MUC17: variants seen among roughly 807,000 people sequenced by gnomAD.
The protein encoded by MUC17 is mucin 17, cell surface associated, also known as mucin-17.
A neutral mutation model predicts 170.3 loss-of-function variants in MUC17; 190 were observed. The observed-to-expected ratio is 1.12, with a 90% CI of 0.99 to 1.26. The LOEUF (loss-of-function observed/expected upper bound fraction) is 1.26. Ranked by LOEUF, MUC17 falls within the 50% of genes most tolerant of loss-of-function variation. The probability of loss-of-function intolerance (pLI) is 0.00; values close to 1 mark genes in which losing one functional copy is unlikely to be tolerated. For synonymous variants in MUC17, 2,325 were observed against 2,002.5 expected, an observed-to-expected ratio of 1.16 and a Z score of -4.30; for missense variants, 6,415 against 5,530.0, an observed-to-expected ratio of 1.16 and a Z score of -5.08.
chr7:101,053,648 C>G, intron 11 of MUC17: 1 of 442,846 alleles, frequency 2.3e-6, no homozygotes, highest in South Asian at 3.4e-5. Context: ...GAGGCTGAGG[C>G]AGGTGGACCA....
In MUC17 at chr7:101,043,927, G is replaced by T. The variant is rs191842097; in HGVS notation, c.12403+108G>T. 2.9e-6 allele frequency: 3 copies of T among 1,047,226 alleles called. No individual in the cohort carries two copies. The Admixed American group carries it at 8.0e-5, about 28-fold the overall frequency. 64.9% of individuals were successfully genotyped at this position (1,047,226 alleles called of 1,614,324 possible). ...ACCTATGTATACGTGTGCCATGTTG[G>T]TTTGCTGCACCCATTAACTCATCAT... On this transcript the variant is annotated intron_variant, in intron 3 of 12. Transcript: ENST00000306151.
rs750253898 is a variant in MUC17 at position 101,033,566 on chromosome 7, C to T, written c.2150C>T (p.Thr717Ile). The T allele has an allele frequency of 6.2e-7, 1 of 1,613,822 alleles. No individual in the cohort carries two copies. Among genetic ancestry groups the T allele is most frequent in the Non-Finnish European group, 8.5e-7 (1 of 1,179,952 alleles). The change falls in exon 3 of 13, where the codon ACA becomes ATA. Residue 717 changes from threonine to isoleucine, a missense_variant. Physicochemically the swap from Thr to Ile is moderately conservative, Grantham distance 89. Transcript: ENST00000306151. ...TCAACAACTCCTGTTGACACCAGCA[C>T]ACCTGTGACCACTTCAACTGAAGCC... ...TLSTTPVDTS[T>I]PVTTSTEASS...
At chr7:101,026,226 C>T (rs1181977692) in intron 1 of MUC17, among the ~76,000 whole-genome samples, 1 of 152,218 alleles carries the variant, frequency 6.6e-6, no homozygotes, top group Admixed American at 6.5e-5. Flanking sequence ...CCCTTGGCCT[C>T]CTATATCTGC....
chr7:101,033,890 C>T lies in MUC17; in HGVS notation c.2474C>T (p.Thr825Ile), dbSNP rs772968239. 2.7e-5 allele frequency: 43 copies of T among 1,613,390 alleles called. No homozygotes were observed. Among genetic ancestry groups the T allele is most frequent in the East Asian group, 4.5e-5 (2 of 44,874 alleles). Residue 825 changes from threonine to isoleucine, a missense_variant, in exon 3 of 13, where the codon ACC becomes ATC. Coordinates refer to ENST00000306151, the MANE Select transcript of MUC17 (RefSeq NM_001040105.2). ...ITPVTSPEAS[T>I]LSTTPVDSNS... ...CCGGTGACCAGTCCTGAGGCTAGCACCCTTTCAACAACTCCTGTTGACTCC... is the reference window on the plus strand; with the variant it reads ...CCGGTGACCAGTCCTGAGGCTAGCATCCTTTCAACAACTCCTGTTGACTCC...
chr7:101,055,040 G>A (rs1199902150), intron 11 of MUC17, among the ~76,000 whole-genome samples: 1 of 151,806 alleles, frequency 6.6e-6, no homozygotes, highest in Non-Finnish European at 1.5e-5. Flanking sequence ...CCTGGGAAGT[G>A]GAGGCTGCAG....
intron 11 of MUC17, among the ~76,000 whole-genome samples, chr7:101,055,018 G>A (rs1178410876): frequency 6.6e-6 from 1 of 151,818 alleles, no homozygotes; most frequent in Non-Finnish European, 1.5e-5. Context: ...TGAGGCAGGA[G>A]AATCGCTGGA....
Position 101,039,564 on chromosome 7 carries a change from T to G in MUC17, c.8148T>G (p.Pro2716=). ...NSEASTLSTT[P]VDTSTPVTTS... is the part of the protein sequence containing the mutation. ...AGGCTAGCACCCTTTCAACAACTCC[T>G]GTTGACACCAGCACACCTGTCACCA... The change falls in exon 3 of 13, where the codon CCT becomes CCG. Residue 2716 remains proline, a synonymous_variant. Transcript: ENST00000306151. 6.2e-7 allele frequency: 1 copy of G among 1,612,568 alleles called. No individual in the cohort carries two copies. Among genetic ancestry groups the G allele is most frequent in the Non-Finnish European group, 8.5e-7 (1 of 1,179,110 alleles).
chr7:101,036,488 C>T lies in MUC17; in HGVS notation c.5072C>T (p.Pro1691Leu), dbSNP rs1794483558. The change falls in exon 3 of 13, where the codon CCT (proline) becomes CTT (leucine). Residue 1691 changes from proline to leucine, a missense_variant. Coordinates refer to ENST00000306151, the MANE Select transcript of MUC17 (RefSeq NM_001040105.2). Reference protein sequence around the residue: ...PTSTYTEGRTPLTSITVRTTP... With the variant: ...PTSTYTEGRTLLTSITVRTTP... ...TCAACTTATACTGAAGGAAGAACTC[C>T]TTTAACAAGTATAACTGTCAGAACA... 6 of 1,610,714 alleles carry T rather than the reference C, an allele frequency of 3.7e-6. No homozygotes were observed. Among genetic ancestry groups the T allele is most frequent in the Non-Finnish European group, 5.1e-6 (6 of 1,178,236 alleles).
In MUC17 at chr7:101,043,163, C is replaced by T; in HGVS notation, c.11747C>T (p.Pro3916Leu). 1 of 1,614,182 alleles carries T rather than the reference C, an allele frequency of 6.2e-7. No homozygotes were observed. Among genetic ancestry groups the T allele is most frequent in the Non-Finnish European group, 8.5e-7 (1 of 1,180,032 alleles). ...CCTTCTACTGACACTGCCTCAACTC[C>T]CACAATTCCTGTAGCCACCACCATA... ...FTPSTDTAST[P>L]TIPVATTISV... is the part of the protein sequence containing the mutation. The change falls in exon 3 of 13, where the codon CCC becomes CTC. Residue 3916 changes from proline (P) to leucine (L), a missense_variant. Physicochemically the swap from Pro to Leu is moderately conservative, Grantham distance 98 (BLOSUM62 -3). Coordinates refer to ENST00000306151, the MANE Select transcript of MUC17 (RefSeq NM_001040105.2).
At position 101,042,571 on chromosome 7, in the gene MUC17, G is replaced by A; in HGVS notation, c.11155G>A (p.Val3719Ile). The A allele has an allele frequency of 6.2e-7, 1 of 1,614,078 alleles. No homozygotes were observed. Among genetic ancestry groups the A allele is most frequent in the African/African-American group, 1.3e-5 (1 of 75,032 alleles). The change falls in exon 3 of 13, where the codon GTT becomes ATT. Residue 3719 changes from valine (V) to isoleucine (I), a missense_variant. Val to Ile is a conservative substitution (Grantham distance 29). Coordinates refer to ENST00000306151, the MANE Select transcript of MUC17 (RefSeq NM_001040105.2). ...SEGSTLSTPS[V>I]VTSTPVTTST... ...GGGTAGCACCCTTTCAACACCTTCT[G>A]TTGTCACCAGCACACCTGTGACCAC...
rs750605983 is a variant in MUC17, at chr7:101,034,999, A to C, written c.3583A>C (p.Thr1195Pro). The C allele has an allele frequency of 3.7e-6, 6 of 1,613,360 alleles. No homozygotes were observed. The highest frequency in any genetic ancestry group is 4.2e-6 in the Non-Finnish European group (5 of 1,179,834). The change falls in exon 3 of 13, where the codon ACT becomes CCT. Residue 1195 changes from threonine to proline, a missense_variant. By Grantham distance (38) the Thr-to-Pro change is conservative. Coordinates refer to ENST00000306151, the MANE Select transcript of MUC17 (RefSeq NM_001040105.2). ...CTCCAAAACTCAGGTGGCCACTTCT[A>C]CTGAAGCCAGTTCACCTCCTCCAAC... ...VDSKTQVATSTEASSPPPTAE... is the reference protein window; with the variant it reads ...VDSKTQVATSPEASSPPPTAE...
intron 1 of MUC17, among the ~76,000 whole-genome samples, chr7:101,020,910 C>G (rs761170141): frequency 1.3e-5 from 2 of 152,134 alleles, no homozygotes; most frequent in Non-Finnish European, 2.9e-5. Flanking sequence ...CAGCTGGACT[C>G]TCTGGGAGCT....
At position 101,035,818 on chromosome 7, in the gene MUC17, G is replaced by A. The variant is rs1794457905; in HGVS notation, c.4402G>A (p.Ala1468Thr). 1 of 1,600,914 alleles carries A rather than the reference G, an allele frequency of 6.2e-7. No individual in the cohort carries two copies. The highest frequency in any genetic ancestry group is 1.3e-5 in the African/African-American group (1 of 74,596). ...TATACCTGTCAGCAACACGCCGGTGGCCAATTCTGAGGCTAGCACCCTTTC... is the reference window on the plus strand; with the variant it reads ...TATACCTGTCAGCAACACGCCGGTGACCAATTCTGAGGCTAGCACCCTTTC... ...KSIPVSNTPV[A>T]NSEASTLSTT... The change falls in exon 3 of 13, where the codon GCC becomes ACC. Residue 1468 changes from alanine to threonine, a missense_variant. Transcript: ENST00000306151.
chr7:101,033,598 T>G lies in MUC17; in HGVS notation c.2182T>G (p.Ser728Ala), dbSNP rs1378256583. The change falls in exon 3 of 13, where the codon TCT becomes GCT. Residue 728 changes from serine (S) to alanine (A), a missense_variant. By Grantham distance (99) the Ser-to-Ala change is moderately conservative. Transcript: ENST00000306151. ...GACCACTTCAACTGAAGCCAGTTCCTCTCCTACAACTGCTGATGGTGCCAG... is the reference window on the plus strand; with the variant it reads ...GACCACTTCAACTGAAGCCAGTTCCGCTCCTACAACTGCTGATGGTGCCAG... ...PVTTSTEASS[S>A]PTTADGASMP... 1 of 1,613,592 alleles carries G rather than the reference T, an allele frequency of 6.2e-7. No individual in the cohort carries two copies. The highest frequency in any genetic ancestry group is 8.5e-7 in the Non-Finnish European group (1 of 1,179,874).
At position 101,042,542 on chromosome 7, in the gene MUC17, C is replaced by T. The variant is rs767095770; in HGVS notation, c.11126C>T (p.Ser3709Phe). 10 of 1,614,122 alleles carry T rather than the reference C, an allele frequency of 6.2e-6. No homozygotes were observed. Among genetic ancestry groups the T allele is most frequent in the Middle Eastern group, 1.6e-4 (1 of 6,062 alleles). ...GTCAGCACCACACGTGTGACCAGCT[C>T]TGAGGGTAGCACCCTTTCAACACCT... ...MPVSTTRVTSSEGSTLSTPSV... is the reference protein window; with the variant it reads ...MPVSTTRVTSFEGSTLSTPSV... The change falls in exon 3 of 13, where the codon TCT becomes TTT. Residue 3709 changes from serine to phenylalanine, a missense_variant. Physicochemically the swap from Ser to Phe is radical, Grantham distance 155 (BLOSUM62 -2). Transcript: ENST00000306151.
In MUC17 at chr7:101,032,965, T is replaced by A. The variant is rs751516957; in HGVS notation, c.1549T>A (p.Ser517Thr). The change falls in exon 3 of 13, where the codon TCT (serine) becomes ACT (threonine). Residue 517 changes from serine to threonine, a missense_variant. Transcript: ENST00000306151. ...SEGSTPLTSMSVSTMPVASSE... is the reference protein window; with the variant it reads ...SEGSTPLTSMTVSTMPVASSE... ...AGGAAGCACTCCATTAACAAGTATG[T>A]CTGTCAGCACCATGCCGGTGGCCAG... is the stretch of plus-strand genomic sequence containing the variant. 1.9e-6 allele frequency: 3 copies of A among 1,598,788 alleles called. No homozygotes were observed. In the African/African-American group the frequency reaches 4.2e-5, roughly 23 times the overall value.
intron 3 of MUC17, among the ~76,000 whole-genome samples, chr7:101,044,580 A>G (rs1794801371): frequency 6.6e-6 from 1 of 152,176 alleles, no homozygotes; most frequent in East Asian, 1.9e-4. Flanking sequence ...TGAACAAAGC[A>G]TTACCTCTCT....
Position 101,041,907 on chromosome 7 carries a change from A to C in MUC17, c.10491A>C (p.Ser3497=), listed in dbSNP as rs1208695392. 1.9e-6 allele frequency: 3 copies of C among 1,611,184 alleles called. No individual in the cohort carries two copies. In the African/African-American group the frequency reaches 4.1e-5, roughly 22 times the overall value. ...TPVTTSSPTN[S]SPTTAEVTSM... ...TGACCACTTCTTCTCCAACCAATTC[A>C]TCTCCTACAACTGCTGAAGTTACCA... Residue 3497 remains serine, a synonymous_variant, in exon 3 of 13, where the codon TCA becomes TCC. Coordinates refer to ENST00000306151, the MANE Select transcript of MUC17 (RefSeq NM_001040105.2).
In MUC17 at chr7:101,032,163, T is replaced by A; in HGVS notation, c.747T>A (p.Ile249=). 6.2e-7 allele frequency: 1 copy of A among 1,613,808 alleles called. No individual in the cohort carries two copies. Among genetic ancestry groups the A allele is most frequent in the Non-Finnish European group, 8.5e-7 (1 of 1,179,964 alleles). Reference sequence around the variant, plus strand: ...TTGAAATCAGCACACCTGTGACCATTTCTGCTCAAGCCAGTTCATCTCCTA... The same window carrying A: ...TTGAAATCAGCACACCTGTGACCATATCTGCTCAAGCCAGTTCATCTCCTA... ...TPVEISTPVT[I]SAQASSSPTT... Residue 249 remains isoleucine (I), a synonymous_variant, in exon 3 of 13, where the codon ATT becomes ATA. Coordinates refer to ENST00000306151, the MANE Select transcript of MUC17 (RefSeq NM_001040105.2).
Sources: allele counts gnomAD v4.1 joint callset (sites outside exome capture counted in the v4.1 genomes callset), GRCh38; gene constraint gnomAD v4.1.1; transcripts MANE v1.5; gene names NCBI Gene and HGNC (gene_info 2026-07-23, HGNC 2026-07-21).